The following CBFA2T2 variants were observed in gnomAD, a reference collection of about 807,000 sequenced individuals.
CBFA2T2 encodes CBFA2/RUNX1 partner transcriptional co-repressor 2.
Under a neutral mutation model 62.2 loss-of-function variants are expected in CBFA2T2, and 11 were observed. The ratio of observed to expected loss-of-function variants is 0.18; its 90% confidence interval spans 0.11 to 0.29. CBFA2T2 has a LOEUF of 0.29. Among genes scored for constraint, CBFA2T2 ranks in the 10% least tolerant of loss-of-function variants. The pLI is 1.00. For synonymous variants in CBFA2T2, 295 were observed against 287.5 expected, an observed-to-expected ratio of 1.03 and a Z score of -0.27; for missense variants, 592 against 774.1, an observed-to-expected ratio of 0.76 and a Z score of 2.79.
chr20:33,508,784 A>G (rs965803453), intron 1 of CBFA2T2, among the ~76,000 whole-genome samples: 3 of 152,152 alleles, frequency 2.0e-5, no homozygotes, highest in Non-Finnish European at 4.4e-5. Flanking sequence ...CTGCATTTAT[A>G]AGACAAGAGG....
At chr20:33,628,003 G>A (rs753055406) in intron 6 of CBFA2T2, among the ~76,000 whole-genome samples, 44 of 152,214 alleles carry the variant, frequency 2.9e-4, no homozygotes, top group South Asian at 4.2e-4. Flanking sequence ...TTAATTATTC[G>A]CATTGCACCA....
At chr20:33,576,858 T>A in intron 1 of CBFA2T2, among the ~76,000 whole-genome samples, 1 of 152,276 alleles carries the variant, frequency 6.6e-6, no homozygotes, top group East Asian at 1.9e-4. Context: ...AGTGTATAAG[T>A]GTGCTCCATC....
chr20:33,603,724 C>A (rs146590866), intron 1 of CBFA2T2, among the ~76,000 whole-genome samples: 2 of 152,110 alleles, frequency 1.3e-5, no homozygotes, highest in African/African-American at 4.8e-5. Flanking sequence ...TCTTCTTCAA[C>A]TCTATTTAAG....
rs1253836631 is a variant in CBFA2T2 at position 33,619,588 on chromosome 20, T to C, written c.492T>C (p.Phe164=). The C allele has an allele frequency of 2.5e-6, 4 of 1,602,948 alleles. No homozygotes were observed. The highest frequency in any genetic ancestry group is 1.7e-5 in the Admixed American group (1 of 58,394). The change falls in exon 4 of 11, where the codon TTT becomes TTC. Residue 164 remains phenylalanine, a synonymous_variant. Coordinates refer to ENST00000342704, the MANE Select transcript of CBFA2T2 (RefSeq NM_001032999.3). ...CCACAAACTTTCCCCTTCGTCCTTTTGTGATTCCATTTCTCAAGGTAATTT... is the reference window on the plus strand; with the variant it reads ...CCACAAACTTTCCCCTTCGTCCTTTCGTGATTCCATTTCTCAAGGTAATTT... ...QEATNFPLRP[F]VIPFLKANLP...
intron 6 of CBFA2T2, among the ~76,000 whole-genome samples, chr20:33,627,014 C>T (rs2016258100): frequency 1.3e-5 from 2 of 152,092 alleles, no homozygotes. Context: ...GTCTTATGCC[C>T]AAGGTTTAGA....
At chr20:33,528,074 T>C (rs2011938782) in intron 1 of CBFA2T2, among the ~76,000 whole-genome samples, 1 of 152,104 alleles carries the variant, frequency 6.6e-6, no homozygotes, top group South Asian at 2.1e-4. Context: ...CTCACTCCAT[T>C]GTCCAGGCTG....
At chr20:33,557,051 G>T (rs1480971051) in intron 1 of CBFA2T2, among the ~76,000 whole-genome samples, 1 of 108,844 alleles carries the variant, frequency 9.2e-6, no homozygotes, top group African/African-American at 3.7e-5. Context: ...GCCTCACTCT[G>T]TTGCCCCGGC....
intron 1 of CBFA2T2, among the ~76,000 whole-genome samples, chr20:33,604,883 C>T (rs574070089): frequency 7.9e-5 from 12 of 152,304 alleles, no homozygotes; most frequent in African/African-American, 1.4e-4. Context: ...GTCAACTGTT[C>T]TCTGAAGGGC....
rs529726824 is a variant in CBFA2T2 at position 33,628,362 on chromosome 20, G to A, written c.959G>A (p.Gly320Asp). Residue 320 changes from glycine (G) to aspartate (D), a missense_variant, in exon 7 of 11, where the codon GGC becomes GAC. Gly to Asp is a moderately conservative substitution (Grantham distance 94, BLOSUM62 -1). Transcript: ENST00000342704. The part of the protein sequence containing the change: ...DRHHSLGLNG[G>D]YQDELVDHRL... ...TAATTTCTAATAGGTCTAAATGGAG[G>A]CTATCAAGATGAGTTGGTAGATCAT... 1.2e-5 allele frequency: 19 copies of A among 1,610,538 alleles called. No homozygotes were observed. The highest frequency in any genetic ancestry group is 1.6e-4 in the Middle Eastern group (1 of 6,076).
In CBFA2T2 at chr20:33,623,463, G is replaced by A. The variant is rs116686175; in HGVS notation, c.692+167G>A. Among the ~76,000 whole-genome samples the A allele has an allele frequency of 5.3e-3, 812 of 152,312 alleles. 6 individuals carry two copies. Among genetic ancestry groups the A allele is most frequent in the African/African-American group, 0.018 (768 of 41,568 alleles). On this transcript the variant is annotated intron_variant, in intron 5 of 10. Transcript: ENST00000342704. The stretch of plus-strand genomic sequence containing the variant: ...ACTGGAGCGCAGTGGTGCAATCTTT[G>A]CTCCCTGCAGCCTCCATCTCCTGGG...
chr20:33,591,592 A>G (rs569322943), intron 1 of CBFA2T2, among the ~76,000 whole-genome samples: 3 of 152,194 alleles, frequency 2.0e-5, no homozygotes, highest in Non-Finnish European at 2.9e-5. Context: ...TGAACTCACA[A>G]TTGGCTTTGT....
At chr20:33,560,794 A>T (rs999093411) in intron 1 of CBFA2T2, among the ~76,000 whole-genome samples, 1 of 152,144 alleles carries the variant, frequency 6.6e-6, no homozygotes, top group Non-Finnish European at 1.5e-5. Context: ...ATTCATGTAG[A>T]TTTTAGTATA....
intron 1 of CBFA2T2, among the ~76,000 whole-genome samples, chr20:33,500,120 G>A (rs931812079): frequency 6.6e-6 from 1 of 151,820 alleles, no homozygotes; most frequent in Non-Finnish European, 1.5e-5. Flanking sequence ...ACCACACCCG[G>A]CTAATTTTTG....
chr20:33,573,612 G>T (rs967820358), intron 1 of CBFA2T2, among the ~76,000 whole-genome samples: 1 of 151,942 alleles, frequency 6.6e-6, no homozygotes, highest in African/African-American at 2.4e-5. Context: ...CTCCCAAGTG[G>T]CTGGGACTAC....
chr20:33,619,476 G>A, intron 3 of CBFA2T2, 41 bp from the exon 4 acceptor site: 1 of 1,139,940 alleles, frequency 8.8e-7, no homozygotes, highest in South Asian at 1.6e-5. Flanking sequence ...AGTTTTGGAA[G>A]TCCAGTTTTG....
At chr20:33,600,362 T>C in intron 1 of CBFA2T2, 1 of 242,292 alleles carries the variant, frequency 4.1e-6, no homozygotes, top group South Asian at 3.4e-5. Context: ...CAGCTAATTT[T>C]TGTTTAGTAG....
intron 1 of CBFA2T2, among the ~76,000 whole-genome samples, chr20:33,544,571 GGA>G (rs2012484057): frequency 1.3e-5 from 2 of 151,846 alleles, no homozygotes; most frequent in Admixed American, 1.3e-4. Context: ...TTTTTGAGAT[GGA>G]GTCTCGCTCT....
chr20:33,540,825 G>T (rs973390827), intron 1 of CBFA2T2, among the ~76,000 whole-genome samples: 1 of 152,148 alleles, frequency 6.6e-6, no homozygotes, highest in Non-Finnish European at 1.5e-5. Context: ...TAGGGTACTT[G>T]TTAGAACCCT....
At chr20:33,516,803 A>T (rs896245661) in intron 1 of CBFA2T2, among the ~76,000 whole-genome samples, 1 of 152,190 alleles carries the variant, frequency 6.6e-6, no homozygotes, top group Non-Finnish European at 1.5e-5. Context: ...TGTACATAAT[A>T]CTTTGCAGTT....
Sources: allele counts gnomAD v4.1 joint callset (sites outside exome capture counted in the v4.1 genomes callset), GRCh38; gene constraint gnomAD v4.1.1; transcripts MANE v1.5; gene names NCBI Gene and HGNC (gene_info 2026-07-23, HGNC 2026-07-21).